Variants in ULK4 observed in about 807,000 individuals in gnomAD.
ULK4 encodes unc-51 like kinase 4.
Under a neutral mutation model 160.6 loss-of-function variants are expected in ULK4, and 133 were observed. That is an observed-to-expected ratio of 0.83 (90% CI 0.72 to 0.96). ULK4 has a LOEUF of 0.96. ULK4 is among the 40% of genes least tolerant of loss of function. The pLI is 0.00. For missense variants in ULK4, 1,580 were observed against 1,499.5 expected (o/e 1.05, Z -0.89); for synonymous variants, 534 against 539.8 (o/e 0.99, Z 0.15).
At position 41,281,997 on chromosome 3, in the gene ULK4, T is replaced by C. The variant is rs112187702; in HGVS notation, c.3679-32423A>G. On this transcript the variant is annotated intron_variant, in intron 35 of 36. Transcript: ENST00000301831. The stretch of plus-strand genomic sequence containing the variant: ...TGTGCAAAAATCACAAGCATTCCTA[T>C]ACACCAATAACAGACAAACAGAGAG... Among the ~76,000 whole-genome samples the C allele has an allele frequency of 9.7e-4, 147 of 152,276 alleles. 1 individual carries two copies. Among genetic ancestry groups the C allele is most frequent in the African/African-American group, 3.5e-3 (145 of 41,548 alleles).
In ULK4 at chr3:41,390,103, G is replaced by GA. The variant is rs1269795630; in HGVS notation, c.3678+7975_3678+7976insT. Among the ~76,000 whole-genome samples, 3 of 152,124 alleles carry GA rather than the reference G, an allele frequency of 2.0e-5. No individual in the cohort carries two copies. The East Asian group carries it at 5.8e-4, about 29-fold the overall frequency. On this transcript the variant is annotated intron_variant, in intron 35 of 36. Transcript: ENST00000301831. Reference sequence around the variant, plus strand: ...ACTTCTTCCTGGTTTAGTCTTGGGAGGTGTATGTGTCGAGGAATTCATCCA... The same window carrying GA: ...ACTTCTTCCTGGTTTAGTCTTGGGAGAGTGTATGTGTCGAGGAATTCATCCA...
chr3:41,814,052 C>G (rs1692468718), intron 19 of ULK4, among the ~76,000 whole-genome samples: 1 of 152,170 alleles, frequency 6.6e-6, no homozygotes, highest in Non-Finnish European at 1.5e-5. Flanking sequence ...AAGCAGCACA[C>G]ACAATGTAGC....
intron 32 of ULK4, among the ~76,000 whole-genome samples, chr3:41,501,458 A>G (rs534651204): frequency 6.6e-6 from 1 of 152,312 alleles, no homozygotes; most frequent in South Asian, 2.1e-4. Flanking sequence ...AGATTGCGCC[A>G]CTGCACTCCA....
At chr3:41,618,535 G>T (rs188282541) in intron 30 of ULK4, among the ~76,000 whole-genome samples, 1 of 152,170 alleles carries the variant, frequency 6.6e-6, no homozygotes, top group African/African-American at 2.4e-5. Flanking sequence ...AGCTCCATAA[G>T]TGAAGGAGAA....
At chr3:41,356,951 G>A (rs905906029) in intron 35 of ULK4, among the ~76,000 whole-genome samples, 1 of 152,184 alleles carries the variant, frequency 6.6e-6, no homozygotes, top group African/African-American at 2.4e-5. Context: ...AGAGGCTCAG[G>A]TCCATGCTCT....
chr3:41,347,537 C>CTT (rs1217177112), intron 35 of ULK4, among the ~76,000 whole-genome samples: 2 of 151,972 alleles, frequency 1.3e-5, no homozygotes, highest in Non-Finnish European at 2.9e-5. Context: ...CCCTATCTAA[C>CTT]ACTTCCTTTC....
At chr3:41,836,562 A>G (rs1193790101) in intron 17 of ULK4, among the ~76,000 whole-genome samples, 2 of 152,220 alleles carry the variant, frequency 1.3e-5, no homozygotes, top group Admixed American at 1.3e-4. Flanking sequence ...ATAGAGGCTG[A>G]GAGAGGTTCC....
At chr3:41,550,746 C>T (rs1163845165) in intron 32 of ULK4, among the ~76,000 whole-genome samples, 2 of 151,870 alleles carry the variant, frequency 1.3e-5, no homozygotes, top group Non-Finnish European at 2.9e-5. Context: ...AAATCAACAA[C>T]AAAACACTGT....
At chr3:41,562,576 TAG>T (rs1325137214) in intron 32 of ULK4, among the ~76,000 whole-genome samples, 1 of 152,248 alleles carries the variant, frequency 6.6e-6, no homozygotes, top group Non-Finnish European at 1.5e-5. Flanking sequence ...TTAGGATAGT[TAG>T]GTCTTCTTGT....
intron 18 of ULK4, among the ~76,000 whole-genome samples, chr3:41,826,592 T>A (rs1426129967): frequency 6.9e-6 from 1 of 145,936 alleles, no homozygotes; most frequent in South Asian, 2.2e-4. Flanking sequence ...AGGGATCAAT[T>A]CAACAAGAAG....
At chr3:41,959,904 G>A (rs1700613510) in intron 1 of ULK4, among the ~76,000 whole-genome samples, 1 of 152,112 alleles carries the variant, frequency 6.6e-6, no homozygotes, top group Non-Finnish European at 1.5e-5. Context: ...AATATAATCA[G>A]AAACCTTAAG....
chr3:41,400,593 G>A (rs1254607839), intron 34 of ULK4, among the ~76,000 whole-genome samples: 3 of 152,148 alleles, frequency 2.0e-5, no homozygotes. Flanking sequence ...AATGTGAGTT[G>A]TTCCCAATTT....
chr3:41,270,475 T>A (rs1366859029), intron 35 of ULK4, among the ~76,000 whole-genome samples: 1 of 152,216 alleles, frequency 6.6e-6, no homozygotes, highest in East Asian at 1.9e-4. Flanking sequence ...CCTTTTCCTT[T>A]TCTCTCTATC....
chr3:41,319,596 T>C (rs1368158142), intron 35 of ULK4, among the ~76,000 whole-genome samples: 1 of 152,214 alleles, frequency 6.6e-6, no homozygotes, highest in Non-Finnish European at 1.5e-5. Context: ...GATACCATCA[T>C]GTCCAATCTG....
intron 21 of ULK4, among the ~76,000 whole-genome samples, chr3:41,781,339 C>A (rs1353352863): frequency 6.6e-6 from 1 of 151,054 alleles, no homozygotes. Flanking sequence ...ATGGCGTGAA[C>A]CCAGGAGGCG....
intron 19 of ULK4, among the ~76,000 whole-genome samples, chr3:41,804,044 C>G (rs575609449): frequency 6.6e-6 from 1 of 152,148 alleles, no homozygotes; most frequent in South Asian, 2.1e-4. Flanking sequence ...AGTTCTAGAT[C>G]GCTCAGGAAT....
chr3:41,704,729 T>C (rs1244803487), intron 27 of ULK4, among the ~76,000 whole-genome samples: 13 of 152,134 alleles, frequency 8.5e-5, no homozygotes, highest in East Asian at 1.9e-4. Context: ...CAAAGAATTG[T>C]CCATCCCAAA....
intron 21 of ULK4, among the ~76,000 whole-genome samples, chr3:41,787,169 C>T (rs1416067928): frequency 2.0e-5 from 3 of 152,130 alleles, no homozygotes; most frequent in African/African-American, 7.2e-5. Context: ...CTCATGTGAC[C>T]ATGGCAAGGT....
At chr3:41,265,811 C>G (rs1275874085) in intron 35 of ULK4, among the ~76,000 whole-genome samples, 1 of 152,134 alleles carries the variant, frequency 6.6e-6, no homozygotes, top group Admixed American at 6.5e-5. Flanking sequence ...GGAAGGGAAT[C>G]GTGAAATCTG....
Sources: allele counts gnomAD v4.1 joint callset (sites outside exome capture counted in the v4.1 genomes callset), GRCh38; gene constraint gnomAD v4.1.1; transcripts MANE v1.5; gene names NCBI Gene and HGNC (gene_info 2026-07-23, HGNC 2026-07-21).